NEDD4: variants seen among roughly 807,000 people sequenced by gnomAD.
NEDD4 encodes the protein NEDD4 E3 ubiquitin protein ligase.
A neutral mutation model predicts 144.9 loss-of-function variants in NEDD4; 99 were observed. The observed-to-expected ratio is 0.68, with a 90% confidence interval of 0.58 to 0.81. The LOEUF is 0.81. Among genes scored for constraint, NEDD4 ranks in the 30% least tolerant of loss-of-function variants. The probability of loss-of-function intolerance (pLI) is 0.00; values close to 1 mark genes in which losing one functional copy is unlikely to be tolerated. For missense variants in NEDD4, 985 were observed against 1,065.9 expected (o/e 0.92, Z 1.06); for synonymous variants, 318 against 350.6 (o/e 0.91, Z 1.04).
chr15:55,841,415 T>A (rs117640519), intron 19 of NEDD4, among the ~76,000 whole-genome samples: 1 of 152,104 alleles, frequency 6.6e-6, no homozygotes, highest in South Asian at 2.1e-4. Context: ...GTCAAATTCA[T>A]AGGGACAGAA....
chr15:55,872,274 AAAT>A (rs200943726), intron 7 of NEDD4, 138 bp downstream of exon 7: 1,276 of 229,218 alleles, frequency 5.6e-3, no homozygotes, highest in East Asian at 8.0e-3. Flanking sequence ...GAAGCTTTTA[AAAT>A]AATAATAATA....
chr15:55,940,901 A>T (rs1266303202), intron 4 of NEDD4, among the ~76,000 whole-genome samples: 1 of 152,208 alleles, frequency 6.6e-6, no homozygotes, highest in African/African-American at 2.4e-5. Context: ...TAAATTTTTT[A>T]AAATAAAAAA....
intron 27 of NEDD4, among the ~76,000 whole-genome samples, chr15:55,832,395 G>A (rs1250711292): frequency 6.6e-6 from 1 of 151,996 alleles, no homozygotes; most frequent in African/African-American, 2.4e-5. Context: ...ATGCTATCCT[G>A]AACTATCACA....
chr15:55,871,676 T>C (rs911793307), intron 7 of NEDD4, among the ~76,000 whole-genome samples: 1 of 152,184 alleles, frequency 6.6e-6, no homozygotes, highest in Non-Finnish European at 1.5e-5. Context: ...AAACAGTAAT[T>C]TAAAAAATCA....
At chr15:55,902,833 A>T (rs1168070237) in intron 5 of NEDD4, among the ~76,000 whole-genome samples, 1 of 152,130 alleles carries the variant, frequency 6.6e-6, no homozygotes, top group African/African-American at 2.4e-5. Flanking sequence ...AAGACAAGGA[A>T]GGAAATATTT....
rs115387329 is a variant in NEDD4, at chr15:55,886,485, G to A, written c.292-12477C>T. Reference sequence around the variant, plus strand: ...TAAAACGTTTTAAAAAATTGAAATGGGCCAGGCGTGGTTGCTCACGCCTCT... The same window carrying A: ...TAAAACGTTTTAAAAAATTGAAATGAGCCAGGCGTGGTTGCTCACGCCTCT... On this transcript the variant is annotated intron_variant, in intron 5 of 28. Coordinates refer to ENST00000435532, the MANE Select transcript of NEDD4 (RefSeq NM_006154.4). Among the ~76,000 whole-genome samples, 1,048 of 152,216 alleles carry A rather than the reference G, an allele frequency of 6.9e-3. 8 individuals carry two copies. The highest frequency in any genetic ancestry group is 0.024 in the African/African-American group (1,003 of 41,542).
At position 55,887,434 on chromosome 15, in the gene NEDD4, C is replaced by T. The variant is rs546406803; in HGVS notation, c.292-13426G>A. 2.6e-5 allele frequency among the ~76,000 whole-genome samples: 4 copies of T among 152,120 alleles called. No homozygotes were observed. In the South Asian group the frequency reaches 8.3e-4, roughly 32 times the overall value. On this transcript the variant is annotated intron_variant, in intron 5 of 28. Transcript: ENST00000435532. Reference sequence around the variant, plus strand: ...CACATACAACCTATTAAGATTGAGCCATGAAGAAATCCAAAACAGGAACAG... The same window carrying T: ...CACATACAACCTATTAAGATTGAGCTATGAAGAAATCCAAAACAGGAACAG...
At chr15:55,863,591 A>C (rs1237096873) in intron 8 of NEDD4, among the ~76,000 whole-genome samples, 2 of 152,222 alleles carry the variant, frequency 1.3e-5, no homozygotes, top group Non-Finnish European at 2.9e-5. Flanking sequence ...AATTTTAAAA[A>C]ATCTAATAGA....
rs1595728302 is a variant in NEDD4, at chr15:55,838,006, G to A, written c.2201+101C>T. ...CATTGTGATAGAGAAAAAGAACACT[G>A]AGATTCTGGACAAGGGGACAGAGAA... On this transcript the variant is annotated intron_variant, in intron 23 of 28. Transcript: ENST00000435532. 4.3e-6 allele frequency: 4 copies of A among 931,244 alleles called. No homozygotes were observed. In the East Asian group the frequency reaches 7.9e-5, roughly 18 times the overall value. The allele number at this position is 931,244 out of a possible 1,614,324, so 57.7% of individuals were successfully genotyped here.
At position 55,847,513 on chromosome 15, in the gene NEDD4, A is replaced by T. The variant is rs185387558; in HGVS notation, c.1543-479T>A. ...AGTTTTATTTATTTTTATGAATTAG[A>T]AAACAAAATCTGAATAAAATGGAAA... On this transcript the variant is annotated intron_variant, in intron 17 of 28. Transcript: ENST00000435532. Among the ~76,000 whole-genome samples, 5 of 152,252 alleles carry T rather than the reference A, an allele frequency of 3.3e-5. No homozygotes were observed. The East Asian group carries it at 9.6e-4, about 29-fold the overall frequency.
intron 9 of NEDD4, 78 bp downstream of exon 9, chr15:55,862,835 T>C: frequency 7.5e-7 from 1 of 1,333,396 alleles, no homozygotes; most frequent in Non-Finnish European, 1.0e-6. Flanking sequence ...TATGAATCCA[T>C]CTGAGACATG....
In NEDD4 at chr15:55,829,657, G is replaced by C. The variant is rs2032850475; in HGVS notation, c.*240C>G. On this transcript the variant is annotated 3_prime_UTR_variant, in exon 29 of 29. Transcript: ENST00000435532. Reference sequence around the variant, plus strand: ...CTAAAGCCAGGTGTGGTGGTGCCTGGCTTTAGGCAGGCACCTAACTCTAAA... The same window carrying C: ...CTAAAGCCAGGTGTGGTGGTGCCTGCCTTTAGGCAGGCACCTAACTCTAAA... 2.6e-6 allele frequency: 1 copy of C among 387,554 alleles called. No individual in the cohort carries two copies. The highest frequency in any genetic ancestry group is 2.1e-5 in the African/African-American group (1 of 48,678). The allele number at this position is 387,554 out of a possible 1,614,324, so 24.0% of individuals were successfully genotyped here. A position where few individuals can be genotyped will look rare whatever the true frequency, so the allele number is the denominator to read the frequency against.
intron 5 of NEDD4, among the ~76,000 whole-genome samples, chr15:55,915,027 A>C (rs938758758): frequency 6.6e-6 from 1 of 152,104 alleles, no homozygotes; most frequent in African/African-American, 2.4e-5. Context: ...TATGTTGTAG[A>C]AAAGTTTTAT....
chr15:55,873,586 C>T (rs2142068854), intron 6 of NEDD4, among the ~76,000 whole-genome samples: 1 of 152,226 alleles, frequency 6.6e-6, no homozygotes, highest in South Asian at 2.1e-4. Context: ...TTGCTATATT[C>T]TTAGTCCTGA....
chr15:55,905,426 C>A, intron 5 of NEDD4: 1 of 372,902 alleles, frequency 2.7e-6, no homozygotes, highest in Non-Finnish European at 5.2e-6. Context: ...AACCTCCAGG[C>A]AACTTCATAG....
intron 13 of NEDD4, among the ~76,000 whole-genome samples, chr15:55,851,384 T>A (rs985030964): frequency 2.6e-5 from 4 of 152,068 alleles, no homozygotes; most frequent in Non-Finnish European, 5.9e-5. Flanking sequence ...GTTTTTTTTT[T>A]ATCAAGCAGC....
intron 5 of NEDD4, among the ~76,000 whole-genome samples, chr15:55,909,290 C>T (rs760268554): frequency 5.9e-5 from 9 of 152,170 alleles, no homozygotes; most frequent in Non-Finnish European, 8.8e-5. Context: ...TGTTCTATCC[C>T]AACAGTTCGC....
chr15:55,837,432 CAA>C (rs66970830), intron 24 of NEDD4, among the ~76,000 whole-genome samples: 275 of 126,220 alleles, frequency 2.2e-3, no homozygotes, highest in Middle Eastern at 3.9e-3. Flanking sequence ...ACTCCGCGCT[CAA>C]AAAAAAAAAA....
intron 19 of NEDD4, 23 bp downstream of exon 19, chr15:55,841,911 A>G (rs369108664): frequency 4.2e-5 from 66 of 1,578,646 alleles, no homozygotes; most frequent in Non-Finnish European, 5.7e-5. Flanking sequence ...TTTTCTGCCG[A>G]TAATCATTGT....
Sources: allele counts gnomAD v4.1 joint callset (sites outside exome capture counted in the v4.1 genomes callset), GRCh38; gene constraint gnomAD v4.1.1; transcripts MANE v1.5; gene names NCBI Gene and HGNC (gene_info 2026-07-23, HGNC 2026-07-21).